STK3: variants seen among roughly 807,000 people sequenced by gnomAD.
The protein encoded by STK3 is serine/threonine-protein kinase 3.
STK3 carries 41 observed loss-of-function variants against 58.0 expected under a neutral mutation model. The ratio of observed to expected loss-of-function variants is 0.71; its 90% CI spans 0.55 to 0.92. The LOEUF (loss-of-function observed/expected upper bound fraction) is 0.92. STK3 is among the 40% of genes least tolerant of loss of function. STK3 has a pLI of 0.00. For missense variants in STK3, 479 were observed against 602.7 expected, an observed-to-expected ratio of 0.79 and a Z score of 2.15; for synonymous variants, 170 against 191.0, an observed-to-expected ratio of 0.89 and a Z score of 0.91.
intron 3 of STK3, among the ~76,000 whole-genome samples, chr8:98,415,879 G>T (rs1758669995): frequency 1.3e-5 from 2 of 152,210 alleles, no homozygotes; most frequent in Admixed American, 6.5e-5. Context: ...GGGTAAGAGA[G>T]ACTCTGCCAT....
chr8:98,624,918 T>A (rs1486281338), intron 6 of STK3, among the ~76,000 whole-genome samples: 1 of 149,184 alleles, frequency 6.7e-6, no homozygotes, highest in Non-Finnish European at 1.5e-5. Context: ...GATAGAGGAG[T>A]AAAGTGAATG....
intron 7 of STK3, among the ~76,000 whole-genome samples, chr8:98,583,242 C>A (rs1053492673): frequency 6.6e-6 from 1 of 151,970 alleles, no homozygotes; most frequent in Non-Finnish European, 1.5e-5. Flanking sequence ...TTACTTAAAT[C>A]ATATTCCTCA....
At chr8:98,917,254 C>G (rs534853619) in intron 1 of STK3, among the ~76,000 whole-genome samples, 1 of 152,334 alleles carries the variant, frequency 6.6e-6, no homozygotes, top group Non-Finnish European at 1.5e-5. Context: ...TGATTTCCTA[C>G]AGACATAATG....
chr8:98,447,937 G>A (rs1819026847), intron 1 of STK3, among the ~76,000 whole-genome samples: 1 of 132,622 alleles, frequency 7.5e-6, no homozygotes, highest in South Asian at 2.4e-4. Flanking sequence ...TTGTGCACAT[G>A]TACCCTAAAA....
In STK3 at chr8:98,812,110, A is replaced by AT. The variant is rs796117348; in HGVS notation, c.26+13404dup. 2.3e-3 allele frequency among the ~76,000 whole-genome samples: 337 copies of AT among 148,938 alleles called. 3 individuals are homozygous for AT. The highest frequency in any genetic ancestry group is 4.0e-3 in the African/African-American group (161 of 40,720). ...CAGGGGTGAGCCACCATGCCTGGCCATTTTTTTTTTCAATCCTGCTCCCTT... is the reference window on the plus strand; with the variant it reads ...CAGGGGTGAGCCACCATGCCTGGCCATTTTTTTTTTTCAATCCTGCTCCCTT... On this transcript the variant is annotated intron_variant, in intron 1 of 10. Coordinates refer to ENST00000419617, the MANE Select transcript of STK3 (RefSeq NM_006281.4).
At chr8:98,905,229 C>G (rs1345352086) in intron 1 of STK3, 7 of 867,028 alleles carry the variant, frequency 8.1e-6, no homozygotes, top group Admixed American at 5.1e-5. Flanking sequence ...GGCTTGTGGA[C>G]AACTACACAT....
intron 3 of STK3, among the ~76,000 whole-genome samples, chr8:98,763,254 T>A (rs192839917): frequency 6.6e-6 from 1 of 152,240 alleles, no homozygotes; most frequent in Non-Finnish European, 1.5e-5. Context: ...ACTCATTAAA[T>A]GTATACTCTG....
At chr8:98,351,441 GTC>G in the STK3 span, among the ~76,000 whole-genome samples, 1 of 152,140 alleles carries the variant, frequency 6.6e-6, no homozygotes, top group Non-Finnish European at 1.5e-5. Context: ...TTTATTCTGA[GTC>G]TGCTGTGTAT....
intron 6 of STK3, among the ~76,000 whole-genome samples, chr8:98,643,306 T>TCC (rs1820163411): frequency 6.6e-6 from 1 of 152,120 alleles, no homozygotes; most frequent in Non-Finnish European, 1.5e-5. Context: ...TTATCCCTAT[T>TCC]ATTACCTCAT....
In STK3 at chr8:98,547,442, G is replaced by A. The variant is rs141098093; in HGVS notation, c.1141+527C>T. The stretch of plus-strand genomic sequence containing the variant: ...TAGCCACTGCAGCACCCCCAGCACT[G>A]TGCCTCACATATGATAAGCAGCAGT... On this transcript the variant is annotated intron_variant, in intron 9 of 10. Transcript: ENST00000419617. Among the ~76,000 whole-genome samples, 227 of 152,298 alleles carry A rather than the reference G, an allele frequency of 1.5e-3. 1 individual carries two copies. Among genetic ancestry groups the A allele is most frequent in the African/African-American group, 5.2e-3 (216 of 41,578 alleles).
intron 6 of STK3, among the ~76,000 whole-genome samples, chr8:98,626,908 G>A (rs1284033046): frequency 6.6e-6 from 1 of 152,160 alleles, no homozygotes; most frequent in Non-Finnish European, 1.5e-5. Flanking sequence ...TGTATCCTCA[G>A]TTCCAGGTGC....
chr8:98,722,427 A>T (rs986759369), intron 4 of STK3, among the ~76,000 whole-genome samples: 1 of 152,194 alleles, frequency 6.6e-6, no homozygotes, highest in African/African-American at 2.4e-5. Context: ...GTGTGTCACT[A>T]ATGGAAAAGG....
chr8:98,761,552 G>T (rs1830615452), intron 3 of STK3, among the ~76,000 whole-genome samples: 1 of 152,014 alleles, frequency 6.6e-6, no homozygotes, highest in South Asian at 2.1e-4. Flanking sequence ...TAAAGAAATG[G>T]CTATTTTTAA....
chr8:98,396,981 C>T (rs1344841874), downstream of STK3, among the ~76,000 whole-genome samples: 1 of 152,130 alleles, frequency 6.6e-6, no homozygotes, highest in African/African-American at 2.4e-5. Context: ...CTATTGTGTC[C>T]ATTTTATAGA....
downstream of STK3, among the ~76,000 whole-genome samples, chr8:98,397,269 G>A (rs7013308): frequency 1.3e-5 from 2 of 152,064 alleles, no homozygotes; most frequent in South Asian, 2.1e-4. Context: ...TGGCTCATGC[G>A]TGTAATCCCA....
At chr8:98,386,315 C>A (rs1039033886) in intron 1 of STK3, among the ~76,000 whole-genome samples, 1 of 152,034 alleles carries the variant, frequency 6.6e-6, no homozygotes, top group Admixed American at 6.6e-5. Flanking sequence ...TTGAAAGCAA[C>A]CCAAATGCCT....
chr8:98,933,162 C>T (rs915312742), intron 1 of STK3, among the ~76,000 whole-genome samples: 20 of 152,198 alleles, frequency 1.3e-4, no homozygotes, highest in Non-Finnish European at 2.8e-4. Context: ...AAAGAGTCAG[C>T]ATGAGTATTT....
intron 8 of STK3, among the ~76,000 whole-genome samples, chr8:98,579,427 G>T (rs191110830): frequency 4.4e-4 from 67 of 152,150 alleles, no homozygotes; most frequent in Non-Finnish European, 3.2e-4. Flanking sequence ...GTATCAACTA[G>T]ATACTAGGTA....
chr8:98,472,436 G>A (rs1332422787), intron 10 of STK3, among the ~76,000 whole-genome samples: 2 of 152,086 alleles, frequency 1.3e-5, no homozygotes, highest in African/African-American at 2.4e-5. Flanking sequence ...TTTATAATTG[G>A]CCACAGAGCC....
Sources: gnomAD v4.1 joint callset for allele counts (sites outside exome capture counted in the v4.1 genomes callset) on GRCh38, gnomAD v4.1.1 for gene constraint, MANE v1.5 for transcripts, NCBI Gene and HGNC (gene_info 2026-07-23, HGNC 2026-07-21) for gene names.